IL15: variants seen among roughly 807,000 people sequenced by gnomAD.
IL15 encodes interleukin 15.
In IL15, 11 loss-of-function variants were observed where a neutral mutation model predicts 19.6. The observed-to-expected ratio is 0.56, with a 90% CI of 0.35 to 0.93. The LOEUF (loss-of-function observed/expected upper bound fraction) is 0.93. Among genes scored for constraint, IL15 ranks in the 40% least tolerant of loss-of-function variants. IL15 has a pLI of 0.01. For synonymous variants in IL15, 58 were observed against 59.6 expected, an observed-to-expected ratio of 0.97 and a Z score of 0.12; for missense variants, 197 against 186.5, an observed-to-expected ratio of 1.06 and a Z score of -0.33.
At chr4:141,644,613 G>A (rs763780211) in intron 1 of IL15, among the ~76,000 whole-genome samples, 6 of 152,028 alleles carry the variant, frequency 3.9e-5, no homozygotes, top group Non-Finnish European at 5.9e-5. Context: ...TCTCGTTATG[G>A]CATCAAACTC....
chr4:141,662,630 A>C lies in IL15; in HGVS notation c.-100+6323A>C, dbSNP rs189377163. On this transcript the variant is annotated intron_variant, in intron 2 of 7. Coordinates refer to ENST00000320650, the MANE Select transcript of IL15 (RefSeq NM_000585.5). Reference sequence around the variant, plus strand: ...GTTACTGTTTTGAATTCAGCCTGACAATCTTAGTCTTTTACGGAGTATTTA... The same window carrying C: ...GTTACTGTTTTGAATTCAGCCTGACCATCTTAGTCTTTTACGGAGTATTTA... Among the ~76,000 whole-genome samples, 4 of 152,276 alleles carry C rather than the reference A, an allele frequency of 2.6e-5. No homozygotes were observed. The East Asian group carries it at 7.7e-4, about 29-fold the overall frequency.
At chr4:141,696,048 C>T (rs1560924319) in intron 2 of IL15, among the ~76,000 whole-genome samples, 1 of 151,880 alleles carries the variant, frequency 6.6e-6, no homozygotes, top group Non-Finnish European at 1.5e-5. Context: ...GAAACATTTC[C>T]CCTATATTTT....
At chr4:141,655,483 G>A (rs1727558144) in intron 1 of IL15, among the ~76,000 whole-genome samples, 1 of 151,752 alleles carries the variant, frequency 6.6e-6, no homozygotes, top group African/African-American at 2.4e-5. Context: ...TCAACACAAA[G>A]CTTCATGCGG....
intron 2 of IL15, among the ~76,000 whole-genome samples, chr4:141,666,579 A>C (rs1727993911): frequency 6.6e-6 from 1 of 151,942 alleles, no homozygotes; most frequent in African/African-American, 2.4e-5. Flanking sequence ...GCTGGTCTCA[A>C]GCTATCTATC....
rs151087315 is a variant in IL15, at chr4:141,655,421, A to T, written c.-221-765A>T. 9.7e-4 allele frequency among the ~76,000 whole-genome samples: 148 copies of T among 152,216 alleles called. 1 individual carries two copies. The highest frequency in any genetic ancestry group is 3.2e-3 in the African/African-American group (133 of 41,542). On this transcript the variant is annotated intron_variant, in intron 1 of 7. Coordinates refer to ENST00000320650, the MANE Select transcript of IL15 (RefSeq NM_000585.5). ...AGATTGGTGGCTGTATGGGTGTAAG[A>T]TCAACTTTTAAACTGAATGTAAGTT...
intron 2 of IL15, among the ~76,000 whole-genome samples, chr4:141,708,296 TGTG>T (rs1165152765): frequency 3.9e-5 from 6 of 152,140 alleles, no homozygotes; most frequent in Non-Finnish European, 8.8e-5. Flanking sequence ...TAGCTGAGTT[TGTG>T]GTGGTGCAAG....
At chr4:141,701,328 T>C (rs1442911722) in intron 2 of IL15, among the ~76,000 whole-genome samples, 1 of 152,026 alleles carries the variant, frequency 6.6e-6, no homozygotes, top group Non-Finnish European at 1.5e-5. Context: ...CTGACTTTAA[T>C]GTTTATATTT....
chr4:141,720,437 T>A (rs766786016), intron 3 of IL15, 32 bp from the exon 4 acceptor site: 1 of 1,131,254 alleles, frequency 8.8e-7, no homozygotes, highest in South Asian at 1.3e-5. Flanking sequence ...AACTAAAAAA[T>A]TTAACCATTT....
intron 2 of IL15, among the ~76,000 whole-genome samples, chr4:141,682,161 T>G (rs1017914281): frequency 2.6e-5 from 4 of 152,212 alleles, no homozygotes; most frequent in Non-Finnish European, 5.9e-5. Flanking sequence ...ACTGTGATCT[T>G]TTTTCTAAAG....
chr4:141,723,313 A>G (rs1190114835), intron 5 of IL15, among the ~76,000 whole-genome samples: 1 of 152,210 alleles, frequency 6.6e-6, no homozygotes, highest in African/African-American at 2.4e-5. Context: ...AGATCATACT[A>G]GAGTAGGGGG....
At chr4:141,679,128 T>C (rs571616585) in intron 2 of IL15, among the ~76,000 whole-genome samples, 1 of 152,304 alleles carries the variant, frequency 6.6e-6, no homozygotes, top group East Asian at 1.9e-4. Context: ...GTATGGATTG[T>C]GTATGAAACA....
intron 2 of IL15, among the ~76,000 whole-genome samples, chr4:141,676,774 G>GAAA (rs796511038): frequency 2.3e-5 from 3 of 127,856 alleles, no homozygotes; most frequent in South Asian, 2.6e-4. Flanking sequence ...AGGTATGGCA[G>GAAA]AAAAAAAAAA....
intron 6 of IL15, 126 bp from the exon 7 acceptor site, chr4:141,729,721 A>C: frequency 1.7e-6 from 1 of 571,868 alleles, no homozygotes; most frequent in Non-Finnish European, 3.0e-6. Context: ...TCCTATGTAA[A>C]ATTTCTTAAG....
At chr4:141,685,388 A>G (rs1444768655) in intron 2 of IL15, among the ~76,000 whole-genome samples, 1 of 152,238 alleles carries the variant, frequency 6.6e-6, no homozygotes, top group Admixed American at 6.5e-5. Context: ...CTAAAGAACA[A>G]GAGTCATAAA....
intron 2 of IL15, among the ~76,000 whole-genome samples, chr4:141,686,297 A>AAAATAAAT (rs56718878): frequency 0.087 from 12,199 of 140,952 alleles, 614 homozygotes; most frequent in East Asian, 0.14. Context: ...GTTCATCTCA[A>AAAATAAAT]AAATAAATAA....
chr4:141,662,384 T>C (rs548681479), intron 2 of IL15, among the ~76,000 whole-genome samples: 1 of 152,356 alleles, frequency 6.6e-6, no homozygotes, highest in East Asian at 1.9e-4. Context: ...ATGTGAGACC[T>C]TCCTGGTAGT....
At chr4:141,713,528 T>C (rs1019361172) in intron 2 of IL15, among the ~76,000 whole-genome samples, 1 of 152,238 alleles carries the variant, frequency 6.6e-6, no homozygotes, top group African/African-American at 2.4e-5. Context: ...TCTGGCCCTC[T>C]ACACAAAGTG....
At chr4:141,725,677 CA>C (rs1470194465) in intron 5 of IL15, among the ~76,000 whole-genome samples, 1 of 152,088 alleles carries the variant, frequency 6.6e-6, no homozygotes, top group African/African-American at 2.4e-5. Flanking sequence ...AAAACATGTT[CA>C]AAAAGTCTAG....
At chr4:141,678,016 A>T (rs1728404505) in intron 2 of IL15, among the ~76,000 whole-genome samples, 1 of 152,164 alleles carries the variant, frequency 6.6e-6, no homozygotes, top group Admixed American at 6.5e-5. Flanking sequence ...CATTCATCAG[A>T]GGGCCTAATT....
Sources: gnomAD v4.1 joint callset for allele counts (sites outside exome capture counted in the v4.1 genomes callset) on GRCh38, gnomAD v4.1.1 for gene constraint, MANE v1.5 for transcripts, NCBI Gene and HGNC (gene_info 2026-07-23, HGNC 2026-07-21) for gene names.